The following PRKAR1B variants were observed in gnomAD, a reference collection of about 807,000 sequenced individuals.
The protein encoded by PRKAR1B is cAMP-dependent protein kinase type I-beta regulatory subunit.
In PRKAR1B, 22 loss-of-function variants were observed where a neutral mutation model predicts 46.5. That is an observed-to-expected ratio of 0.47 (90% CI 0.34 to 0.68). The LOEUF (loss-of-function observed/expected upper bound fraction) is 0.68. Ranked by LOEUF, PRKAR1B falls within the 30% of genes least tolerant of loss-of-function variation. The pLI is 0.01. For missense variants in PRKAR1B, 445 were observed against 535.6 expected (o/e 0.83, Z 1.67); for synonymous variants, 259 against 217.7 (o/e 1.19, Z -1.67).
At chr7:591,633 T>C (rs1165029509) in intron 7 of PRKAR1B, among the ~76,000 whole-genome samples, 5 of 152,136 alleles carry the variant, frequency 3.3e-5, no homozygotes, top group African/African-American at 1.2e-4. Flanking sequence ...GAGGGTCGCT[T>C]GAGCTCATGA....
At chr7:671,359 C>T (rs373709245) in intron 4 of PRKAR1B, among the ~76,000 whole-genome samples, 2 of 152,212 alleles carry the variant, frequency 1.3e-5, no homozygotes, top group South Asian at 2.1e-4. Context: ...TCAAGAGGAA[C>T]GAGCCATGCA....
Position 614,588 on chromosome 7 carries a change from A to G in PRKAR1B, c.441-7136T>C, listed in dbSNP as rs139899828. ...TGAGACCAGCTTGGGCAGCATAACA[A>G]GACCCCATTTCTATAAAAAGTAAAA... On this transcript the variant is annotated intron_variant, in intron 4 of 10. Transcript: ENST00000537384. 6.6e-3 allele frequency among the ~76,000 whole-genome samples: 1,003 copies of G among 152,252 alleles called. 8 individuals are homozygous for G. Among genetic ancestry groups the G allele is most frequent in the Non-Finnish European group, 0.01 (714 of 68,022 alleles).
chr7:621,178 C>T (rs1217216602), intron 4 of PRKAR1B, among the ~76,000 whole-genome samples: 1 of 152,158 alleles, frequency 6.6e-6, no homozygotes, highest in Non-Finnish European at 1.5e-5. Flanking sequence ...TTTCTATTTT[C>T]TGTAGCAATT....
At chr7:561,003 C>T (rs1490970870) in intron 9 of PRKAR1B, among the ~76,000 whole-genome samples, 1 of 152,176 alleles carries the variant, frequency 6.6e-6, no homozygotes, top group African/African-American at 2.4e-5. Flanking sequence ...GAAGCAGAAT[C>T]CTATACATAC....
intron 4 of PRKAR1B, among the ~76,000 whole-genome samples, chr7:649,672 C>G (rs972027901): frequency 2.0e-5 from 3 of 152,090 alleles, no homozygotes; most frequent in Admixed American, 6.6e-5. Flanking sequence ...AACTCCCAGA[C>G]CCAAGCGATC....
At chr7:676,104 G>A (rs1786567218) in intron 4 of PRKAR1B, among the ~76,000 whole-genome samples, 1 of 152,170 alleles carries the variant, frequency 6.6e-6, no homozygotes, top group Non-Finnish European at 1.5e-5. Context: ...GGTAGAATGA[G>A]ATGCTGTTAC....
Position 631,395 on chromosome 7 carries a change from G to A in PRKAR1B, c.441-23943C>T, listed in dbSNP as rs564922625. On this transcript the variant is annotated intron_variant, in intron 4 of 10. Coordinates refer to ENST00000537384, the MANE Select transcript of PRKAR1B (RefSeq NM_001164760.2). ...CCCTCAGGCCCAGACAGGGGTGGTC[G>A]CCGGCCCAAAGCCACTCAGCACCTA... Among the ~76,000 whole-genome samples the A allele has an allele frequency of 8.5e-5, 13 of 152,280 alleles. No individual in the cohort carries two copies. The South Asian group carries it at 2.5e-3, about 29-fold the overall frequency.
intron 4 of PRKAR1B, among the ~76,000 whole-genome samples, chr7:652,833 T>C (rs1044864730): frequency 2.0e-5 from 3 of 152,208 alleles, no homozygotes; most frequent in Non-Finnish European, 4.4e-5. Context: ...ACAAACCACC[T>C]CAAACAGAGT....
chr7:701,931 G>C (rs1318910005), intron 2 of PRKAR1B, among the ~76,000 whole-genome samples: 1 of 152,204 alleles, frequency 6.6e-6, no homozygotes, highest in African/African-American at 2.4e-5. Context: ...AGGAACCACG[G>C]AAGAGTGACA....
At chr7:572,647 T>C (rs930363470) in intron 9 of PRKAR1B, among the ~76,000 whole-genome samples, 1 of 151,838 alleles carries the variant, frequency 6.6e-6, no homozygotes, top group African/African-American at 2.4e-5. Context: ...TCGGGCGGAG[T>C]GGGAGCAAGG....
At chr7:637,154 G>A (rs1452638496) in intron 4 of PRKAR1B, among the ~76,000 whole-genome samples, 1 of 152,186 alleles carries the variant, frequency 6.6e-6, no homozygotes, top group Non-Finnish European at 1.5e-5. Context: ...GGGCGTGGTG[G>A]TGCACACCTG....
chr7:603,465 T>G (rs1228996390), intron 6 of PRKAR1B, among the ~76,000 whole-genome samples: 1 of 151,930 alleles, frequency 6.6e-6, no homozygotes, highest in African/African-American at 2.4e-5. Context: ...TTGGTCCCTC[T>G]CCCCCATTAA....
chr7:624,589 G>A (rs145075238), intron 4 of PRKAR1B, among the ~76,000 whole-genome samples: 2 of 152,304 alleles, frequency 1.3e-5, no homozygotes, highest in South Asian at 2.1e-4. Flanking sequence ...TGCAATAGTT[G>A]GTGATTGGTT....
intron 4 of PRKAR1B, among the ~76,000 whole-genome samples, chr7:657,942 A>C (rs1026996597): frequency 3.9e-5 from 6 of 152,150 alleles, no homozygotes; most frequent in Admixed American, 6.5e-5. Flanking sequence ...CAGCAGAAAG[A>C]AGCTCAGAAG....
At chr7:647,969 G>T (rs1784711679) in intron 4 of PRKAR1B, among the ~76,000 whole-genome samples, 1 of 151,568 alleles carries the variant, frequency 6.6e-6, no homozygotes, top group African/African-American at 2.4e-5. Context: ...AACACATCAA[G>T]ACCCCAGCTC....
intron 2 of PRKAR1B, among the ~76,000 whole-genome samples, chr7:698,305 G>A (rs919335633): frequency 2.6e-5 from 4 of 152,156 alleles, no homozygotes; most frequent in African/African-American, 9.7e-5. Context: ...AGATGAAGAT[G>A]CAAGTCCCAG....
intron 4 of PRKAR1B, among the ~76,000 whole-genome samples, chr7:643,036 G>A (rs549910437): frequency 2.0e-5 from 3 of 151,640 alleles, no homozygotes; most frequent in Admixed American, 6.5e-5. Context: ...TTCTGTGTAC[G>A]GCAGAGCCTG....
At chr7:713,339 C>A (rs1254059869) in intron 1 of PRKAR1B, 1 of 157,494 alleles carries the variant, frequency 6.3e-6, no homozygotes, top group African/African-American at 2.5e-5. Context: ...CCTGCCCAGC[C>A]CCCGGATCCT....
intron 9 of PRKAR1B, among the ~76,000 whole-genome samples, chr7:572,281 A>G (rs1779564514): frequency 6.6e-6 from 1 of 152,186 alleles, no homozygotes; most frequent in Admixed American, 6.5e-5. Flanking sequence ...CAGTCTGCTG[A>G]GAATATTTTC....
Sources: allele counts gnomAD v4.1 joint callset (sites outside exome capture counted in the v4.1 genomes callset), GRCh38; gene constraint gnomAD v4.1.1; transcripts MANE v1.5; gene names NCBI Gene and HGNC (gene_info 2026-07-23, HGNC 2026-07-21).